The following MGAM variants were observed in gnomAD, a reference collection of about 807,000 sequenced individuals.
MGAM encodes the protein alpha-1,4-glucosidase.
A neutral mutation model predicts 358.8 loss-of-function variants in MGAM; 253 were observed. That is an observed-to-expected ratio of 0.71 (90% CI 0.64 to 0.78). The LOEUF is 0.78. Ranked by LOEUF, MGAM falls within the 30% of genes least tolerant of loss-of-function variation. The pLI, the probability that MGAM is intolerant of heterozygous loss-of-function variation, is 0.00. For missense variants in MGAM, 3,080 were observed against 3,432.6 expected (o/e 0.90, Z 2.57); for synonymous variants, 1,105 against 1,227.1 (o/e 0.90, Z 2.08).
chr7:142,088,743 G>GTCTA lies in MGAM; in HGVS notation c.6810+2029_6810+2030insATCT, dbSNP rs1388290800. 1.2e-3 allele frequency among the ~76,000 whole-genome samples: 114 copies of GTCTA among 96,836 alleles called. 2 individuals carry two copies. The highest frequency in any genetic ancestry group is 3.5e-3 in the African/African-American group (76 of 21,788). The allele number at this position is 96,836 out of a possible 152,430, so 63.5% of individuals were successfully genotyped here. On this transcript the variant is annotated intron_variant, in intron 57 of 70. Transcript: ENST00000475668. The stretch of plus-strand genomic sequence containing the variant: ...TTTATGTCTGTCTGTCTGTCTGTCT[G>GTCTA]TCTGTCTATCTATCTATCTATCTAT...
At chr7:142,030,136 A>T in intron 10 of MGAM, 1 of 493,782 alleles carries the variant, frequency 2.0e-6, no homozygotes, top group Middle Eastern at 5.7e-4. Context: ...TGGATGATGC[A>T]GTTAACCTGA....
intron 21 of MGAM, among the ~76,000 whole-genome samples, chr7:142,046,830 T>A (rs1475717985): frequency 3.3e-5 from 5 of 152,122 alleles, no homozygotes; most frequent in Admixed American, 3.3e-4. Flanking sequence ...ATCCTAACTT[T>A]TGTGTTGTTT....
chr7:142,066,078 G>T (rs1315082369), intron 40 of MGAM, among the ~76,000 whole-genome samples: 3 of 143,642 alleles, frequency 2.1e-5, no homozygotes, highest in East Asian at 2.1e-4. Context: ...ATTGTCCCAC[G>T]TCAGCCTTCT....
chr7:142,026,189 A>G (rs938239762), intron 8 of MGAM, among the ~76,000 whole-genome samples: 1 of 151,656 alleles, frequency 6.6e-6, no homozygotes, highest in Non-Finnish European at 1.5e-5. Flanking sequence ...AATTTATGAT[A>G]CAATTTCTGA....
intron 2 of MGAM, among the ~76,000 whole-genome samples, chr7:142,007,416 G>A (rs1054545199): frequency 6.6e-6 from 1 of 151,976 alleles, no homozygotes; most frequent in Non-Finnish European, 1.5e-5. Context: ...GTGTTAACCT[G>A]TGGCTTCTCT....
At chr7:142,039,087 G>A (rs2960751) in intron 19 of MGAM, among the ~76,000 whole-genome samples, 44,129 of 149,968 alleles carry the variant, frequency 0.29, 7,428 homozygotes, top group Non-Finnish European at 0.37. Flanking sequence ...GACGGGGTGG[G>A]GGGAGTTGCC....
intron 23 of MGAM, among the ~76,000 whole-genome samples, 156 bp downstream of exon 23, chr7:142,050,440 G>A (rs537112966): frequency 6.6e-6 from 1 of 152,166 alleles, no homozygotes; most frequent in Non-Finnish European, 1.5e-5. Context: ...TTTCATCGAT[G>A]TTTTCAAAAG....
chr7:142,027,764 A>G, intron 10 of MGAM, 29 bp downstream of exon 10: 1 of 1,501,384 alleles, frequency 6.7e-7, no homozygotes, highest in Non-Finnish European at 8.9e-7. Flanking sequence ...AGTTCTCCAA[A>G]AGTAAAGAAA....
intron 1 of MGAM, among the ~76,000 whole-genome samples, chr7:141,998,349 A>G (rs1554449483): frequency 2.0e-5 from 3 of 152,068 alleles, no homozygotes; most frequent in Admixed American, 2.0e-4. Flanking sequence ...TCAACCCATC[A>G]TCTAGGTTTT....
At chr7:142,059,359 A>G (rs1811867402) in intron 31 of MGAM, 113 bp from the exon 32 acceptor site, 1 of 1,477,348 alleles carries the variant, frequency 6.8e-7, no homozygotes, top group Admixed American at 2.3e-5. Context: ...TGGGATTTGA[A>G]TGCATCAACA....
At chr7:142,074,053 T>C in intron 44 of MGAM, 32 bp from the exon 45 acceptor site, 1 of 1,436,306 alleles carries the variant, frequency 7.0e-7, no homozygotes. Context: ...GTCTGACTCC[T>C]GTCTTTGTCT....
chr7:142,042,002 T>TATTATATACATATA (rs1808783627), intron 21 of MGAM, among the ~76,000 whole-genome samples: 1 of 14,092 alleles, frequency 7.1e-5, no homozygotes, highest in Non-Finnish European at 1.3e-4. Flanking sequence ...ATATATATTA[T>TATTATATACATATA]ATATATAATA....
intron 45 of MGAM, among the ~76,000 whole-genome samples, chr7:142,075,984 C>T (rs1813700973): frequency 1.4e-5 from 2 of 146,174 alleles, no homozygotes; most frequent in Admixed American, 6.9e-5. Context: ...TATACTCACT[C>T]CTCCCATATT....
At chr7:142,080,488 C>T (rs1017347303) in intron 49 of MGAM, among the ~76,000 whole-genome samples, 2 of 145,930 alleles carry the variant, frequency 1.4e-5, no homozygotes, top group African/African-American at 4.9e-5. Flanking sequence ...CTCATATACC[C>T]ACAGAAAATA....
At position 142,079,590 on chromosome 7, in the gene MGAM, C is replaced by T. The variant is rs757939188; in HGVS notation, c.5847+582C>T. ...AACCTGCAGCGATTTCATTTCTTTC[C>T]AGAATTTAATTGCATTTAAAGACTA... On this transcript the variant is annotated intron_variant, in intron 49 of 70. Transcript: ENST00000475668. 1.4e-5 allele frequency among the ~76,000 whole-genome samples: 2 copies of T among 145,930 alleles called. 1 individual carries two copies. The highest frequency in any genetic ancestry group is 3.1e-5 in the Non-Finnish European group (2 of 64,406).
chr7:142,021,198 G>C (rs1554458673), intron 5 of MGAM, 115 bp downstream of exon 5: 1 of 690,862 alleles, frequency 1.4e-6, no homozygotes, highest in Non-Finnish European at 2.4e-6. Flanking sequence ...TTTCTATATT[G>C]CTATTATTAA....
chr7:142,077,836 A>G (rs73524515), intron 47 of MGAM, among the ~76,000 whole-genome samples: 3,616 of 145,810 alleles, frequency 0.025, 299 homozygotes, highest in South Asian at 0.1. Context: ...CATAAATGCG[A>G]GCATGATAAC....
chr7:142,105,539 G>C (rs745672724), intron 70 of MGAM, among the ~76,000 whole-genome samples: 1 of 152,122 alleles, frequency 6.6e-6, no homozygotes. Flanking sequence ...CCACCCACCT[G>C]GGCCTCCCGG....
chr7:142,028,678 C>T (rs1391391117), intron 10 of MGAM, among the ~76,000 whole-genome samples: 1 of 152,124 alleles, frequency 6.6e-6, no homozygotes, highest in Non-Finnish European at 1.5e-5. Context: ...CTTCAGTAGA[C>T]ATTTTGTAAT....
Sources: gnomAD v4.1 joint callset for allele counts (sites outside exome capture counted in the v4.1 genomes callset) on GRCh38, gnomAD v4.1.1 for gene constraint, MANE v1.5 for transcripts, NCBI Gene and HGNC (gene_info 2026-07-23, HGNC 2026-07-21) for gene names.